Variants in MAPKAP1 observed in about 807,000 individuals in gnomAD.
The protein encoded by MAPKAP1 is target of rapamycin complex 2 subunit MAPKAP1.
Under a neutral mutation model 65.7 loss-of-function variants are expected in MAPKAP1, and 20 were observed. The observed-to-expected ratio is 0.30, with a 90% CI of 0.21 to 0.44. The LOEUF (loss-of-function observed/expected upper bound fraction) is 0.44, where lower values mean the gene tolerates loss of function less well. Ranked by LOEUF, MAPKAP1 falls within the 20% of genes least tolerant of loss-of-function variation. The probability of loss-of-function intolerance (pLI) is 1.00; values close to 1 mark genes in which losing one functional copy is unlikely to be tolerated. For synonymous variants in MAPKAP1, 222 were observed against 244.3 expected (o/e 0.91, Z 0.85); for missense variants, 423 against 648.0 (o/e 0.65, Z 3.77).
At chr9:125,582,898 G>A (rs1831667359) in intron 5 of MAPKAP1, among the ~76,000 whole-genome samples, 1 of 152,180 alleles carries the variant, frequency 6.6e-6, no homozygotes, top group African/African-American at 2.4e-5. Flanking sequence ...CCCTCACCCA[G>A]GAATGATTGG....
chr9:125,595,497 C>G lies in MAPKAP1; in HGVS notation c.499-9770G>C. On this transcript the variant is annotated intron_variant, in intron 4 of 11. Coordinates refer to ENST00000265960, the MANE Select transcript of MAPKAP1 (RefSeq NM_001006617.3). This position sits in a 1 kb window ranked among gnomAD's most constrained non-coding sequence, Gnocchi z 4.0. Reference sequence around the variant, plus strand: ...TAGCTGCTTATCATAAAATTAATTTCAAAATCATATACCTGATAGTTTCCA... The same window carrying G: ...TAGCTGCTTATCATAAAATTAATTTGAAAATCATATACCTGATAGTTTCCA... The G allele has an allele frequency of 1.9e-6, 2 of 1,067,562 alleles. No individual in the cohort carries two copies. The highest frequency in any genetic ancestry group is 2.3e-6 in the Non-Finnish European group (2 of 877,370). 66.1% of individuals were successfully genotyped at this position (1,067,562 alleles called of 1,614,324 possible).
At chr9:125,551,395 C>T (rs1314902783) in intron 6 of MAPKAP1, among the ~76,000 whole-genome samples, 7 of 152,144 alleles carry the variant, frequency 4.6e-5, no homozygotes, top group African/African-American at 1.4e-4. Flanking sequence ...AGCAGCTCAT[C>T]GTTCCCTTTC....
intron 7 of MAPKAP1, among the ~76,000 whole-genome samples, chr9:125,534,969 G>C (rs1589265323): frequency 6.6e-6 from 1 of 152,186 alleles, no homozygotes; most frequent in African/African-American, 2.4e-5. Flanking sequence ...TAAATAGAAA[G>C]CTGCTTGAGA....
Position 125,447,898 on chromosome 9 carries a change from A to T in MAPKAP1, c.1346-3300T>A, listed in dbSNP as rs980921662. Among the ~76,000 whole-genome samples, 1 of 152,230 alleles carries T rather than the reference A, an allele frequency of 6.6e-6. No individual in the cohort carries two copies. Among genetic ancestry groups the T allele is most frequent in the Non-Finnish European group, 1.5e-5 (1 of 68,050 alleles). ...AAAAAGAGGAAGATGCCACAGGGCA[A>T]GGAAACGGCATGGGCAAACATACAG... is the stretch of plus-strand genomic sequence containing the variant. On this transcript the variant is annotated intron_variant, in intron 10 of 11. Coordinates refer to ENST00000265960, the MANE Select transcript of MAPKAP1 (RefSeq NM_001006617.3). The surrounding 1 kb of genome is among the most constrained non-coding windows in gnomAD (Gnocchi z 4.5).
At chr9:125,654,071 C>G (rs560187973) in intron 4 of MAPKAP1, among the ~76,000 whole-genome samples, 31 of 152,218 alleles carry the variant, frequency 2.0e-4, no homozygotes, top group African/African-American at 4.1e-4. Context: ...AAAACATAAC[C>G]TAATCTGAAA....
chr9:125,695,647 TA>T (rs1382921801), intron 1 of MAPKAP1, among the ~76,000 whole-genome samples: 4 of 152,194 alleles, frequency 2.6e-5, no homozygotes, highest in Admixed American at 2.6e-4. Context: ...ATATTGTACA[TA>T]AGAGAATCAG....
Position 125,595,427 on chromosome 9 carries a change from G to C in MAPKAP1, c.499-9700C>G. ...TGCTGATGAATTAAAACATTATCTAGAGCAGCTTTTCTCAGCTGATCCTAT... is the reference window on the plus strand; with the variant it reads ...TGCTGATGAATTAAAACATTATCTACAGCAGCTTTTCTCAGCTGATCCTAT... On this transcript the variant is annotated intron_variant, in intron 4 of 11. Coordinates refer to ENST00000265960, the MANE Select transcript of MAPKAP1 (RefSeq NM_001006617.3). The surrounding 1 kb of genome is among the most constrained non-coding windows in gnomAD (Gnocchi z 4.0). 5.4e-6 allele frequency: 3 copies of C among 559,322 alleles called. No individual in the cohort carries two copies. The highest frequency in any genetic ancestry group is 6.3e-5 in the South Asian group (1 of 15,780). The allele number at this position is 559,322 out of a possible 1,614,324, so 34.6% of individuals were successfully genotyped here.
At chr9:125,652,170 T>C (rs1223171097) in intron 4 of MAPKAP1, 4 of 1,321,488 alleles carry the variant, frequency 3.0e-6, no homozygotes, top group Non-Finnish European at 4.0e-6. Flanking sequence ...TGCAAAGTTT[T>C]AAGTGACTTT....
At position 125,507,096 on chromosome 9, in the gene MAPKAP1, C is replaced by T. The variant is rs139375228; in HGVS notation, c.959-679G>A. Among the ~76,000 whole-genome samples the T allele has an allele frequency of 4.5e-3, 684 of 152,264 alleles. 6 individuals carry two copies. The highest frequency in any genetic ancestry group is 0.016 in the African/African-American group (658 of 41,536). On this transcript the variant is annotated intron_variant, in intron 7 of 11. Coordinates refer to ENST00000265960, the MANE Select transcript of MAPKAP1 (RefSeq NM_001006617.3). The stretch of plus-strand genomic sequence containing the variant: ...TTTTGTTGAAACATTTATGAAAACA[C>T]GAGACACAGGTTCAGTAGTACTGGA...
intron 9 of MAPKAP1, among the ~76,000 whole-genome samples, chr9:125,477,408 A>C (rs1373531228): frequency 1.3e-5 from 2 of 152,228 alleles, no homozygotes; most frequent in African/African-American, 4.8e-5. Flanking sequence ...TTGGACAAAG[A>C]GATAAGGGGT....
rs541306236 is a variant in MAPKAP1, at chr9:125,594,663, C to A, written c.499-8936G>T. Among the ~76,000 whole-genome samples, 65 of 152,302 alleles carry A rather than the reference C, an allele frequency of 4.3e-4. 1 individual carries two copies. The Middle Eastern group carries it at 0.014, about 32-fold the overall frequency. On this transcript the variant is annotated intron_variant, in intron 4 of 11. Transcript: ENST00000265960. ...TAACAATTTGATTTGCACAGACTTACAGTTTCACTTTTTTCTGTAACTACC... is the reference window on the plus strand; with the variant it reads ...TAACAATTTGATTTGCACAGACTTAAAGTTTCACTTTTTTCTGTAACTACC...
At chr9:125,643,629 C>T (rs1394882092) in intron 4 of MAPKAP1, among the ~76,000 whole-genome samples, 1 of 152,156 alleles carries the variant, frequency 6.6e-6, no homozygotes, top group African/African-American at 2.4e-5. Context: ...ATTTATTTAA[C>T]TAATCCTCTA....
chr9:125,694,922 GGTCT>G (rs1250982136), intron 1 of MAPKAP1, among the ~76,000 whole-genome samples: 3 of 152,098 alleles, frequency 2.0e-5, no homozygotes, highest in East Asian at 1.9e-4. Flanking sequence ...AAATGACAGA[GGTCT>G]GTCATTGAAG....
intron 4 of MAPKAP1, among the ~76,000 whole-genome samples, chr9:125,657,147 C>T (rs1834055082): frequency 6.6e-6 from 1 of 152,050 alleles, no homozygotes; most frequent in South Asian, 2.1e-4. Flanking sequence ...AAATTGCCTC[C>T]CAGAACCACT....
intron 7 of MAPKAP1, among the ~76,000 whole-genome samples, chr9:125,531,144 G>A (rs1020993320): frequency 7.2e-5 from 11 of 152,204 alleles, no homozygotes; most frequent in African/African-American, 2.4e-4. Flanking sequence ...CCCAGCTGAA[G>A]CAGGGACATT....
At chr9:125,469,544 TAC>T (rs1171551593) in intron 9 of MAPKAP1, among the ~76,000 whole-genome samples, 1 of 152,238 alleles carries the variant, frequency 6.6e-6, no homozygotes, top group African/African-American at 2.4e-5. Context: ...GCAGACAGAC[TAC>T]AGTCGAGGCT....
chr9:125,574,645 G>C (rs970982999), intron 5 of MAPKAP1, among the ~76,000 whole-genome samples: 5 of 152,302 alleles, frequency 3.3e-5, no homozygotes, highest in Admixed American at 3.3e-4. Flanking sequence ...AGTCCACAGG[G>C]CATCAGAATA....
chr9:125,705,927 C>T (rs568803799), intron 1 of MAPKAP1, among the ~76,000 whole-genome samples: 2 of 152,164 alleles, frequency 1.3e-5, no homozygotes, highest in East Asian at 3.9e-4. Context: ...CCTTTTCAAG[C>T]ATAACTGGAA....
At chr9:125,645,566 G>A (rs865870724) in intron 4 of MAPKAP1, among the ~76,000 whole-genome samples, 58 of 151,904 alleles carry the variant, frequency 3.8e-4, no homozygotes, top group African/African-American at 1.4e-3. Context: ...GTGAAACCCC[G>A]TCTCTACTAA....
Sources: gnomAD v4.1 joint callset for allele counts (sites outside exome capture counted in the v4.1 genomes callset) on GRCh38, gnomAD v4.1.1 for gene constraint, Gnocchi (gnomAD v3.1) non-coding constraint, MANE v1.5 for transcripts, NCBI Gene and HGNC (gene_info 2026-07-23, HGNC 2026-07-21) for gene names.